The following CTIF variants were observed in gnomAD, a reference collection of about 807,000 sequenced individuals.
The protein encoded by CTIF is cap binding complex dependent translation initiation factor.
CTIF carries 21 observed loss-of-function variants against 66.0 expected under a neutral mutation model. That is an observed-to-expected ratio of 0.32 (90% CI 0.23 to 0.46). The LOEUF (loss-of-function observed/expected upper bound fraction) is 0.46, where lower values mean the gene tolerates loss of function less well. Among genes scored for constraint, CTIF ranks in the 20% least tolerant of loss-of-function variants. The pLI is 1.00. For synonymous variants in CTIF, 345 were observed against 326.4 expected (o/e 1.06, Z -0.62); for missense variants, 739 against 812.7 (o/e 0.91, Z 1.10).
At chr18:48,691,624 T>G (rs1455057683) in intron 6 of CTIF, among the ~76,000 whole-genome samples, 2 of 152,176 alleles carry the variant, frequency 1.3e-5, no homozygotes, top group Non-Finnish European at 2.9e-5. Flanking sequence ...TCCCCAGTCC[T>G]TGTCTGGTCT....
chr18:48,608,924 C>G (rs1197271456), intron 1 of CTIF, among the ~76,000 whole-genome samples: 1 of 152,224 alleles, frequency 6.6e-6, no homozygotes, highest in Admixed American at 6.5e-5. Flanking sequence ...TGCCACCACA[C>G]TTGGATGCCC....
chr18:48,672,684 A>C (rs2091555415), intron 6 of CTIF, among the ~76,000 whole-genome samples: 1 of 152,140 alleles, frequency 6.6e-6, no homozygotes. Context: ...GGTTGGCCTC[A>C]AGCCCATTGC....
At chr18:48,585,344 A>G (rs2089744392) in intron 1 of CTIF, among the ~76,000 whole-genome samples, 1 of 152,244 alleles carries the variant, frequency 6.6e-6, no homozygotes, top group South Asian at 2.1e-4. Context: ...GAAAGTGGGG[A>G]AAGTGGGCTT....
intron 10 of CTIF, among the ~76,000 whole-genome samples, chr18:48,856,700 C>A (rs561639538): frequency 6.6e-6 from 1 of 152,178 alleles, no homozygotes; most frequent in East Asian, 1.9e-4. Flanking sequence ...ATGTCCAGCA[C>A]GGGCAACTCC....
intron 3 of CTIF, among the ~76,000 whole-genome samples, chr18:48,656,055 G>A (rs2091242284): frequency 1.3e-5 from 2 of 152,214 alleles, no homozygotes; most frequent in African/African-American, 2.4e-5. Context: ...TGTGGAGACC[G>A]CAGCCTCATC....
At position 48,860,695 on chromosome 18, in the gene CTIF, CG is replaced by C. The variant is rs2069446296; in HGVS notation, c.*1137del. ...ATGGGAGTGGGGGCTCCCCAGGACTCGATTTTAGCTAATGCGCTGTGTCACT... is the reference window on the plus strand; with the variant it reads ...ATGGGAGTGGGGGCTCCCCAGGACTCATTTTAGCTAATGCGCTGTGTCACT... On this transcript the variant is annotated 3_prime_UTR_variant, in exon 12 of 12. Coordinates refer to ENST00000256413, the MANE Select transcript of CTIF (RefSeq NM_014772.3). 6.6e-6 allele frequency: 1 copy of C among 152,310 alleles called. No homozygotes were observed. The highest frequency in any genetic ancestry group is 1.5e-5 in the Non-Finnish European group (1 of 68,100). The allele number at this position is 152,310 out of a possible 1,614,324, so 9.4% of individuals were successfully genotyped here.
chr18:48,767,180 C>T (rs1909649605), intron 9 of CTIF, among the ~76,000 whole-genome samples: 1 of 152,150 alleles, frequency 6.6e-6, no homozygotes, highest in Admixed American at 6.5e-5. Flanking sequence ...GTGGGGTGCC[C>T]AGGGTGCCTG....
At chr18:48,632,300 A>C (rs994194198) in intron 2 of CTIF, among the ~76,000 whole-genome samples, 5 of 152,074 alleles carry the variant, frequency 3.3e-5, no homozygotes, top group Admixed American at 2.6e-4. Flanking sequence ...GATCATTCAC[A>C]CTTCACTCCT....
chr18:48,710,135 C>T (rs1025553224), intron 6 of CTIF, among the ~76,000 whole-genome samples: 10 of 152,242 alleles, frequency 6.6e-5, no homozygotes, highest in Admixed American at 6.5e-4. Flanking sequence ...AACAGTGGGA[C>T]CCTCCTTTAT....
intron 9 of CTIF, among the ~76,000 whole-genome samples, chr18:48,805,355 G>A (rs1344606585): frequency 6.6e-6 from 1 of 151,406 alleles, no homozygotes; most frequent in African/African-American, 2.4e-5. Context: ...CAGGCCGCAG[G>A]CCCTGGGCTG....
At chr18:48,563,091 T>TGG (rs1364208056) in intron 1 of CTIF, among the ~76,000 whole-genome samples, 1 of 152,208 alleles carries the variant, frequency 6.6e-6, no homozygotes, top group African/African-American at 2.4e-5. Context: ...CTTGGGCAGG[T>TGG]GGGAGCCTGG....
intron 1 of CTIF, among the ~76,000 whole-genome samples, chr18:48,588,723 G>C (rs1255681513): frequency 6.6e-6 from 1 of 152,104 alleles, no homozygotes; most frequent in Admixed American, 6.5e-5. Context: ...TTATTGCTTT[G>C]ATCCAAATTT....
At chr18:48,765,192 A>G (rs1271245474) in intron 9 of CTIF, among the ~76,000 whole-genome samples, 1 of 152,088 alleles carries the variant, frequency 6.6e-6, no homozygotes, top group East Asian at 1.9e-4. Context: ...TTTTCTGGCA[A>G]ACTATGTTTG....
chr18:48,681,769 G>T (rs1238065953), intron 6 of CTIF, among the ~76,000 whole-genome samples: 1 of 151,784 alleles, frequency 6.6e-6, no homozygotes, highest in African/African-American at 2.4e-5. Flanking sequence ...CCCCACACCT[G>T]GTTTTTGTTT....
chr18:48,705,043 C>T (rs538299682), intron 6 of CTIF, among the ~76,000 whole-genome samples: 1 of 152,326 alleles, frequency 6.6e-6, no homozygotes, highest in South Asian at 2.1e-4. Context: ...CTTTTCCAGC[C>T]TCTGAAGGAA....
chr18:48,702,625 C>T (rs1228844593), intron 6 of CTIF, among the ~76,000 whole-genome samples: 1 of 152,138 alleles, frequency 6.6e-6, no homozygotes, highest in Non-Finnish European at 1.5e-5. Context: ...TCCATGTTTA[C>T]TTTTATTGTC....
At chr18:48,588,492 A>G (rs2089819566) in intron 1 of CTIF, among the ~76,000 whole-genome samples, 1 of 152,130 alleles carries the variant, frequency 6.6e-6, no homozygotes, top group South Asian at 2.1e-4. Flanking sequence ...TGTGGTCCCA[A>G]ATCTAGCTCG....
intron 1 of CTIF, among the ~76,000 whole-genome samples, chr18:48,578,167 A>G (rs1326102465): frequency 6.7e-6 from 1 of 150,286 alleles, no homozygotes; most frequent in Non-Finnish European, 1.5e-5. Flanking sequence ...TTTTTTTTTT[A>G]TCACTGAGTA....
intron 10 of CTIF, among the ~76,000 whole-genome samples, chr18:48,855,038 G>A (rs1443057512): frequency 6.6e-6 from 1 of 152,218 alleles, no homozygotes; most frequent in Admixed American, 6.5e-5. Context: ...CCACCGCCCT[G>A]GAGCAGGGCC....
Sources: gnomAD v4.1 joint callset for allele counts (sites outside exome capture counted in the v4.1 genomes callset) on GRCh38, gnomAD v4.1.1 for gene constraint, MANE v1.5 for transcripts, NCBI Gene and HGNC (gene_info 2026-07-23, HGNC 2026-07-21) for gene names.